The following EFCAB6 variants were observed in gnomAD, a reference collection of about 807,000 sequenced individuals.
EFCAB6 encodes the protein EF-hand calcium binding domain 6.
A neutral mutation model predicts 169.8 loss-of-function variants in EFCAB6; 156 were observed. The ratio of observed to expected loss-of-function variants is 0.92; its 90% confidence interval spans 0.81 to 1.05. EFCAB6 has a LOEUF of 1.05. EFCAB6 is among the 50% of genes least tolerant of loss of function. EFCAB6 has a pLI of 0.00. For missense variants in EFCAB6, 1,800 were observed against 1,829.1 expected (o/e 0.98, Z 0.29); for synonymous variants, 698 against 676.4 (o/e 1.03, Z -0.50).
At chr22:43,666,225 G>A (rs1233757530) in intron 17 of EFCAB6, among the ~76,000 whole-genome samples, 2 of 152,102 alleles carry the variant, frequency 1.3e-5, no homozygotes, top group Non-Finnish European at 2.9e-5. Flanking sequence ...TCTTGTTCTG[G>A]CTGGGGAGGG....
rs184777957 is a variant in EFCAB6 at position 43,719,603 on chromosome 22, C to A, written c.758-2631G>T. Among the ~76,000 whole-genome samples the A allele has an allele frequency of 2.0e-5, 3 of 152,184 alleles. No homozygotes were observed. The East Asian group carries it at 5.8e-4, about 29-fold the overall frequency. On this transcript the variant is annotated intron_variant, in intron 8 of 31. Transcript: ENST00000262726. ...GTGAGAACAGCACCAAACCTCTAAC[C>A]GGCTCTTGGTAATTTGTTCTTATAT...
At chr22:43,600,291 A>C (rs1459966121) in intron 22 of EFCAB6, 28 bp from the exon 23 acceptor site, 2 of 1,609,380 alleles carry the variant, frequency 1.2e-6, no homozygotes, top group South Asian at 2.2e-5. Flanking sequence ...AACAGAAAGC[A>C]CTTCTCAGTA....
chr22:43,773,770 C>CT (rs2061552703), intron 3 of EFCAB6, among the ~76,000 whole-genome samples: 1 of 152,324 alleles, frequency 6.6e-6, no homozygotes, highest in African/African-American at 2.4e-5. Context: ...TAGCTTGAAC[C>CT]TGGGAGGCTG....
intron 17 of EFCAB6, among the ~76,000 whole-genome samples, chr22:43,646,623 AG>A (rs1395067547): frequency 6.6e-6 from 1 of 152,228 alleles, no homozygotes; most frequent in Non-Finnish European, 1.5e-5. Context: ...ATAGAAGAAG[AG>A]CCCCATCTTA....
intron 10 of EFCAB6, among the ~76,000 whole-genome samples, chr22:43,691,156 G>A (rs374278445): frequency 5.9e-5 from 9 of 152,222 alleles, no homozygotes; most frequent in Admixed American, 6.5e-5. Flanking sequence ...GTCTAAACAA[G>A]TAGAACATGA....
At chr22:43,577,075 C>G (rs2050304255) in intron 25 of EFCAB6, among the ~76,000 whole-genome samples, 1 of 152,300 alleles carries the variant, frequency 6.6e-6, no homozygotes, top group Middle Eastern at 3.4e-3. Context: ...GAGTCTCGGC[C>G]AGAGCCCGAG....
chr22:43,580,012 C>T (rs2050613568), intron 25 of EFCAB6, among the ~76,000 whole-genome samples: 1 of 152,158 alleles, frequency 6.6e-6, no homozygotes, highest in Non-Finnish European at 1.5e-5. Context: ...CAGATGGAAG[C>T]TGTAGAATGT....
At chr22:43,697,946 A>G (rs1348924770) in intron 10 of EFCAB6, among the ~76,000 whole-genome samples, 1 of 152,160 alleles carries the variant, frequency 6.6e-6, no homozygotes, top group African/African-American at 2.4e-5. Context: ...GACTGATCAT[A>G]TCGGTCATAG....
chr22:43,587,344 T>C (rs1417921666), intron 24 of EFCAB6, among the ~76,000 whole-genome samples: 1 of 152,232 alleles, frequency 6.6e-6, no homozygotes, highest in Non-Finnish European at 1.5e-5. Context: ...GTTAGTTTCC[T>C]ATGGCTTTGT....
chr22:43,530,707 C>G lies in EFCAB6; in HGVS notation c.4383+108G>C, dbSNP rs1455851173. The G allele has an allele frequency of 5.2e-6, 8 of 1,550,002 alleles. No individual in the cohort carries two copies. In the African/African-American group the frequency reaches 1.1e-4, roughly 21 times the overall value. On this transcript the variant is annotated intron_variant, in intron 31 of 31. Transcript: ENST00000262726. The stretch of plus-strand genomic sequence containing the variant: ...GAAGTGAGATCTGAAGCAGCCAGGT[C>G]ACACCGGGCCTTCGGCAGCAGGTAG...
rs2054685115 is a variant in EFCAB6, at chr22:43,628,474, G to A, written c.2233-1795C>T. Among the ~76,000 whole-genome samples the A allele has an allele frequency of 1.3e-5, 2 of 152,060 alleles. No individual in the cohort carries two copies. The highest frequency in any genetic ancestry group is 2.9e-5 in the Non-Finnish European group (2 of 68,008). On this transcript the variant is annotated intron_variant, in intron 19 of 31. Coordinates refer to ENST00000262726, the MANE Select transcript of EFCAB6 (RefSeq NM_022785.4). The surrounding 1 kb of genome is among the most constrained non-coding windows in gnomAD (Gnocchi z 4.8). ...TCCGTGGCCTCTGCTCTGTGCAATC[G>A]CTCCCGAGCGATCCCTTACAGCTGA...
At chr22:43,683,624 G>A (rs2058084649) in intron 12 of EFCAB6, 123 bp downstream of exon 12, 4 of 735,434 alleles carry the variant, frequency 5.4e-6, no homozygotes, top group Non-Finnish European at 7.0e-6. Flanking sequence ...TGTAACGGGG[G>A]CTCAAGAAGT....
chr22:43,698,144 GT>G (rs776711808), intron 10 of EFCAB6, among the ~76,000 whole-genome samples: 3 of 152,130 alleles, frequency 2.0e-5, no homozygotes, highest in Non-Finnish European at 4.4e-5. Context: ...CAGTGTGTTG[GT>G]TTGAAAACAT....
At chr22:43,692,626 A>C (rs920932106) in intron 10 of EFCAB6, among the ~76,000 whole-genome samples, 6 of 152,174 alleles carry the variant, frequency 3.9e-5, no homozygotes, top group Admixed American at 3.9e-4. Flanking sequence ...TAACAAAAGA[A>C]TAGAGAAGAT....
intron 2 of EFCAB6, among the ~76,000 whole-genome samples, chr22:43,792,292 G>A (rs575229829): frequency 1.1e-4 from 17 of 152,266 alleles, no homozygotes; most frequent in African/African-American, 3.9e-4. Flanking sequence ...GTGGTTGTGT[G>A]TTTTTCTCCA....
chr22:43,640,724 C>T (rs1456264451), intron 17 of EFCAB6, among the ~76,000 whole-genome samples: 1 of 152,146 alleles, frequency 6.6e-6, no homozygotes, highest in Admixed American at 6.5e-5. Context: ...ATCTTCTTGC[C>T]TAGTCTAGTT....
At chr22:43,611,042 A>G (rs941290751) in intron 21 of EFCAB6, among the ~76,000 whole-genome samples, 6 of 152,192 alleles carry the variant, frequency 3.9e-5, no homozygotes, top group Admixed American at 1.3e-4. Context: ...TGGAGGGAAT[A>G]ATTCCTAACT....
intron 8 of EFCAB6, among the ~76,000 whole-genome samples, chr22:43,717,443 T>C (rs1401541159): frequency 2.0e-5 from 3 of 150,224 alleles, no homozygotes; most frequent in Non-Finnish European, 4.4e-5. Flanking sequence ...TTAATATACA[T>C]GAGAAATACA....
At chr22:43,540,510 T>G (rs1474266425) in intron 27 of EFCAB6, 153 bp from the exon 28 acceptor site, 7 of 1,533,632 alleles carry the variant, frequency 4.6e-6, no homozygotes, top group Non-Finnish European at 6.1e-6. Flanking sequence ...AAACGCCCAT[T>G]TGGCCTTCGC....
Sources: allele counts gnomAD v4.1 joint callset (sites outside exome capture counted in the v4.1 genomes callset), GRCh38; gene constraint gnomAD v4.1.1; non-coding constraint Gnocchi (gnomAD v3.1); transcripts MANE v1.5; gene names NCBI Gene and HGNC (gene_info 2026-07-23, HGNC 2026-07-21).